ZCCHC7: variants seen among roughly 807,000 people sequenced by gnomAD.
The protein encoded by ZCCHC7 is zinc finger CCHC domain-containing protein 7.
A neutral mutation model predicts 52.0 loss-of-function variants in ZCCHC7; 35 were observed. The observed-to-expected ratio is 0.67, with a 90% CI of 0.51 to 0.89. The LOEUF (loss-of-function observed/expected upper bound fraction) is 0.89. ZCCHC7 is among the 40% of genes least tolerant of loss of function. The pLI is 0.00. For synonymous variants in ZCCHC7, 217 were observed against 221.5 expected (o/e 0.98, Z 0.18); for missense variants, 574 against 649.1 (o/e 0.88, Z 1.26).
chr9:37,216,893 CTG>C (rs1223863625), intron 2 of ZCCHC7, among the ~76,000 whole-genome samples: 1 of 152,010 alleles, frequency 6.6e-6, no homozygotes, highest in Non-Finnish European at 1.5e-5. Flanking sequence ...AGTTTTGACT[CTG>C]TAGATTAAGG....
chr9:37,245,098 AAT>A (rs1473331207), intron 2 of ZCCHC7, among the ~76,000 whole-genome samples: 2 of 152,006 alleles, frequency 1.3e-5, no homozygotes, highest in African/African-American at 2.4e-5. Flanking sequence ...CAAATACAGT[AAT>A]ATGTATGTCA....
intron 2 of ZCCHC7, among the ~76,000 whole-genome samples, chr9:37,171,125 G>C (rs1821705093): frequency 6.6e-6 from 1 of 152,136 alleles, no homozygotes; most frequent in South Asian, 2.1e-4. Context: ...GATTTTACTT[G>C]GGGTAAAATT....
At chr9:37,324,383 G>A (rs1457070497) in intron 5 of ZCCHC7, among the ~76,000 whole-genome samples, 1 of 152,176 alleles carries the variant, frequency 6.6e-6, no homozygotes, top group Non-Finnish European at 1.5e-5. Flanking sequence ...TGTATGTGAC[G>A]TGCATTCTGT....
intron 2 of ZCCHC7, among the ~76,000 whole-genome samples, chr9:37,204,562 G>A (rs1426466283): frequency 6.6e-6 from 1 of 152,114 alleles, no homozygotes; most frequent in East Asian, 1.9e-4. Context: ...ATTAGATAGG[G>A]AATCCTTTCC....
chr9:37,183,384 G>C (rs1169089905), intron 2 of ZCCHC7, among the ~76,000 whole-genome samples: 1 of 152,160 alleles, frequency 6.6e-6, no homozygotes, highest in East Asian at 1.9e-4. Context: ...ATACAGAATT[G>C]TGTGCTTTAT....
At chr9:37,185,156 G>A (rs1285665306) in intron 2 of ZCCHC7, among the ~76,000 whole-genome samples, 3 of 152,144 alleles carry the variant, frequency 2.0e-5, no homozygotes, top group Non-Finnish European at 2.9e-5. Context: ...AGTCTCTAGA[G>A]GTCGTGGGTG....
intron 2 of ZCCHC7, among the ~76,000 whole-genome samples, chr9:37,131,794 G>T (rs1380362574): frequency 6.6e-6 from 1 of 151,912 alleles, no homozygotes; most frequent in African/African-American, 2.4e-5. Context: ...TGAGGTTGTT[G>T]ATTAGCTTCC....
Position 37,120,589 on chromosome 9 carries a change from T to C in ZCCHC7, c.-56T>C. 2.5e-6 allele frequency: 1 copy of C among 398,472 alleles called. No homozygotes were observed. Among genetic ancestry groups the C allele is most frequent in the East Asian group, 3.6e-5 (1 of 28,012 alleles). 24.7% of individuals were successfully genotyped at this position (398,472 alleles called of 1,614,324 possible). On this transcript the variant is annotated 5_prime_UTR_variant, in exon 1 of 9. Coordinates refer to ENST00000336755, the MANE Select transcript of ZCCHC7 (RefSeq NM_032226.3). Reference sequence around the variant, plus strand: ...CTCCCCGTCCCTCTACGCGTTTTGGTTCCCGGTTGGTGCTTCCTGTTCGCA... The same window carrying C: ...CTCCCCGTCCCTCTACGCGTTTTGGCTCCCGGTTGGTGCTTCCTGTTCGCA...
chr9:37,306,751 C>T (rs1282627965), intron 5 of ZCCHC7, among the ~76,000 whole-genome samples: 2 of 117,392 alleles, frequency 1.7e-5, no homozygotes, highest in Non-Finnish European at 3.5e-5. Context: ...GCATGAGCCA[C>T]TGTACCCGAC....
At chr9:37,287,348 G>GT (rs1487712420) in intron 2 of ZCCHC7, among the ~76,000 whole-genome samples, 1 of 151,986 alleles carries the variant, frequency 6.6e-6, no homozygotes, top group African/African-American at 2.4e-5. Context: ...CTAGGATGAG[G>GT]TTTTTTAAAA....
At chr9:37,133,184 C>T (rs375486686) in intron 2 of ZCCHC7, among the ~76,000 whole-genome samples, 8 of 152,156 alleles carry the variant, frequency 5.3e-5, no homozygotes, top group African/African-American at 1.7e-4. Flanking sequence ...AGAAAGTTTA[C>T]GAATTTGTGT....
At chr9:37,222,235 G>A (rs1288744517) in intron 2 of ZCCHC7, among the ~76,000 whole-genome samples, 1 of 151,390 alleles carries the variant, frequency 6.6e-6, no homozygotes, top group Non-Finnish European at 1.5e-5. Flanking sequence ...AACAAATGGT[G>A]ACGTGTCCTG....
At chr9:37,301,917 AC>A (rs1829046686) in intron 2 of ZCCHC7, among the ~76,000 whole-genome samples, 1 of 152,154 alleles carries the variant, frequency 6.6e-6, no homozygotes, top group Non-Finnish European at 1.5e-5. Flanking sequence ...ATTTTCACAT[AC>A]CTCATTTTAT....
intron 2 of ZCCHC7, among the ~76,000 whole-genome samples, chr9:37,204,407 C>G (rs1005761279): frequency 6.6e-6 from 1 of 152,170 alleles, no homozygotes; most frequent in Non-Finnish European, 1.5e-5. Flanking sequence ...ATGGTATCAC[C>G]TAGATTTTCT....
At chr9:37,266,948 C>A (rs1418718339) in intron 2 of ZCCHC7, among the ~76,000 whole-genome samples, 2 of 152,122 alleles carry the variant, frequency 1.3e-5, no homozygotes, top group Admixed American at 6.5e-5. Flanking sequence ...TTTTCCCATG[C>A]ATACTGAATT....
chr9:37,259,565 G>A (rs1325058725), intron 2 of ZCCHC7, among the ~76,000 whole-genome samples: 2 of 152,162 alleles, frequency 1.3e-5, no homozygotes, highest in Admixed American at 6.5e-5. Flanking sequence ...TATAGGCTGT[G>A]ACAACATTAG....
chr9:37,294,855 A>G (rs1828710088), intron 2 of ZCCHC7, among the ~76,000 whole-genome samples: 2 of 152,340 alleles, frequency 1.3e-5, no homozygotes, highest in South Asian at 2.1e-4. Flanking sequence ...TTATTGACAT[A>G]GCCCTTAATA....
intron 5 of ZCCHC7, among the ~76,000 whole-genome samples, chr9:37,310,051 G>A (rs981755391): frequency 6.6e-6 from 1 of 152,068 alleles, no homozygotes; most frequent in African/African-American, 2.4e-5. Flanking sequence ...GAAAACTGTC[G>A]AGTCATATTC....
chr9:37,214,351 G>A (rs1824394624), intron 2 of ZCCHC7, among the ~76,000 whole-genome samples: 1 of 152,042 alleles, frequency 6.6e-6, no homozygotes, highest in Non-Finnish European at 1.5e-5. Flanking sequence ...TACATAGAAA[G>A]GGACATACTG....
Sources: gnomAD v4.1 joint callset for allele counts (sites outside exome capture counted in the v4.1 genomes callset) on GRCh38, gnomAD v4.1.1 for gene constraint, MANE v1.5 for transcripts, NCBI Gene and HGNC (gene_info 2026-07-23, HGNC 2026-07-21) for gene names.